Variants in AP1S3 observed in about 807,000 individuals in gnomAD.
AP1S3 encodes the protein adaptor related protein complex 1 subunit sigma 3.
AP1S3 carries 10 observed loss-of-function variants against 20.9 expected under a neutral mutation model. That is an observed-to-expected ratio of 0.48 (90% confidence interval 0.29 to 0.81). AP1S3 has a LOEUF of 0.81. Among genes scored for constraint, AP1S3 ranks in the 30% least tolerant of loss-of-function variants. The probability of loss-of-function intolerance (pLI) is 0.08; values close to 1 mark genes in which losing one functional copy is unlikely to be tolerated. For synonymous variants in AP1S3, 41 were observed against 61.5 expected, an observed-to-expected ratio of 0.67 and a Z score of 1.56; for missense variants, 154 against 183.8, an observed-to-expected ratio of 0.84 and a Z score of 0.94.
At chr2:223,778,106 T>A (rs1471455685) in intron 1 of AP1S3, among the ~76,000 whole-genome samples, 2 of 151,080 alleles carry the variant, frequency 1.3e-5, no homozygotes, top group Non-Finnish European at 2.9e-5. Context: ...AATAAGTTTT[T>A]TTTTGTTTTT....
intron 3 of AP1S3, among the ~76,000 whole-genome samples, chr2:223,769,856 T>TGCCTCA (rs1168020714): frequency 6.9e-6 from 1 of 145,810 alleles, no homozygotes; most frequent in Non-Finnish European, 1.5e-5. Flanking sequence ...GCCATTCTCC[T>TGCCTCA]GCCTCAGCCT....
chr2:223,786,398 AT>A (rs1691075328), intron 1 of AP1S3, among the ~76,000 whole-genome samples: 2 of 152,306 alleles, frequency 1.3e-5, no homozygotes, highest in African/African-American at 4.8e-5. Flanking sequence ...TAACTAGAGC[AT>A]TGTTTTTACA....
At chr2:223,806,359 C>T (rs573322305) in intron 1 of AP1S3, among the ~76,000 whole-genome samples, 104 of 147,750 alleles carry the variant, frequency 7.0e-4, no homozygotes, top group African/African-American at 2.5e-3. Context: ...TCTCAGCTCA[C>T]TGCAAGCTCC....
chr2:223,774,927 G>A (rs11677642), intron 3 of AP1S3, among the ~76,000 whole-genome samples: 98,701 of 151,516 alleles, frequency 0.65, 32,891 homozygotes, highest in East Asian at 0.81. Context: ...AGGACAGAGC[G>A]TCAGTACACA....
intron 1 of AP1S3, among the ~76,000 whole-genome samples, chr2:223,815,707 C>G (rs970326359): frequency 6.6e-6 from 1 of 152,172 alleles, no homozygotes; most frequent in Non-Finnish European, 1.5e-5. Context: ...GAATATAATA[C>G]AGTTTTTAAG....
chr2:223,813,654 C>T (rs1178274877), intron 1 of AP1S3, among the ~76,000 whole-genome samples: 1 of 152,204 alleles, frequency 6.6e-6, no homozygotes, highest in African/African-American at 2.4e-5. Context: ...GCTAAATACA[C>T]TCTGACACAG....
chr2:223,782,011 C>G (rs958622917), intron 1 of AP1S3, among the ~76,000 whole-genome samples: 47 of 128,422 alleles, frequency 3.7e-4, no homozygotes, highest in Non-Finnish European at 5.4e-4. Flanking sequence ...GGCTTTAAGT[C>G]TTTTTTTTTT....
In AP1S3 at chr2:223,780,276, AATATATATATAT is replaced by A. The variant is rs138804582; in HGVS notation, c.4-2419_4-2408del. Among the ~76,000 whole-genome samples, 186 of 24,298 alleles carry A rather than the reference AATATATATATAT, an allele frequency of 7.7e-3. 2 individuals carry two copies. The highest frequency in any genetic ancestry group is 8.9e-3 in the African/African-American group (57 of 6,400). The allele number at this position is 24,298 out of a possible 152,430, so 15.9% of individuals were successfully genotyped here. A position where few individuals can be genotyped will look rare whatever the true frequency, so the allele number is the denominator to read the frequency against. On this transcript the variant is annotated intron_variant, in intron 1 of 4. Transcript: ENST00000396654. Reference sequence around the variant, plus strand: ...CAGGTGTGCACCACCATGCCTGGCTAATATATATATATATATATATATATATATATATAGAGA... The same window carrying A: ...CAGGTGTGCACCACCATGCCTGGCTAATATATATATATATATATATAGAGA...
chr2:223,796,457 A>C (rs755260884), intron 1 of AP1S3, among the ~76,000 whole-genome samples: 2 of 152,170 alleles, frequency 1.3e-5, no homozygotes, highest in Non-Finnish European at 2.9e-5. Context: ...TGGTCTCATC[A>C]GTCACCTTTC....
chr2:223,760,815 ACTC>A (rs1457694226), intron 4 of AP1S3, among the ~76,000 whole-genome samples: 1 of 152,196 alleles, frequency 6.6e-6, no homozygotes. Context: ...ATTGCTTGAC[ACTC>A]CTCTATCATA....
chr2:223,816,807 C>T (rs1048384134), intron 1 of AP1S3, among the ~76,000 whole-genome samples: 2 of 152,176 alleles, frequency 1.3e-5, no homozygotes, highest in African/African-American at 4.8e-5. Flanking sequence ...AGATGACAGA[C>T]AATCCCCCAT....
chr2:223,763,843 C>T (rs554800484), intron 4 of AP1S3, among the ~76,000 whole-genome samples: 72 of 152,294 alleles, frequency 4.7e-4, no homozygotes, highest in Non-Finnish European at 7.4e-4. Context: ...GGAATTCACA[C>T]CTAATGGTGT....
chr2:223,765,304 A>G lies in AP1S3; in HGVS notation c.338T>C (p.Ile113Thr), dbSNP rs771195596. The change falls in exon 4 of 5, where the codon ATC becomes ACC. Residue 113 changes from isoleucine to threonine, a missense_variant. Physicochemically the swap from Ile to Thr is moderately conservative, Grantham distance 89. Transcript: ENST00000396654. ...IIFNFEKAYFILDEFIIGGEI... is the reference protein window; with the variant it reads ...IIFNFEKAYFTLDEFIIGGEI... ...CCCACCTATTATAAACTCGTCCAGG[A>G]TGAAATAAGCCTTTTCAAAATTAAA... 1.9e-6 allele frequency: 3 copies of G among 1,613,928 alleles called. No individual in the cohort carries two copies. The Admixed American group carries it at 5.0e-5, about 27-fold the overall frequency.
At chr2:223,823,559 G>A (rs926968406) in intron 1 of AP1S3, among the ~76,000 whole-genome samples, 10 of 152,144 alleles carry the variant, frequency 6.6e-5, no homozygotes, top group African/African-American at 2.2e-4. Flanking sequence ...CAGAGAGAGA[G>A]TAGAATAGTG....
chr2:223,757,004 T>A lies in AP1S3; in HGVS notation c.*1711A>T, dbSNP rs1345982225. 1.0e-6 allele frequency: 1 copy of A among 982,684 alleles called. No homozygotes were observed. The highest frequency in any genetic ancestry group is 1.7e-5 in the African/African-American group (1 of 57,240). 60.9% of individuals were successfully genotyped at this position (982,684 alleles called of 1,614,324 possible). On this transcript the variant is annotated 3_prime_UTR_variant, in exon 5 of 5. Transcript: ENST00000396654. ...TTACTTTTTCTTTTTTTTTTTTTTTTTCTTGAGACGCAGTCTTGCTCTGTC... is the reference window on the plus strand; with the variant it reads ...TTACTTTTTCTTTTTTTTTTTTTTTATCTTGAGACGCAGTCTTGCTCTGTC...
At chr2:223,809,625 C>G (rs1438371601) in intron 1 of AP1S3, among the ~76,000 whole-genome samples, 1 of 151,792 alleles carries the variant, frequency 6.6e-6, no homozygotes, top group Non-Finnish European at 1.5e-5. Flanking sequence ...GCCTGGGGGA[C>G]AGAGTGAGAC....
At chr2:223,803,684 C>T (rs1314951679) in intron 1 of AP1S3, among the ~76,000 whole-genome samples, 2 of 151,934 alleles carry the variant, frequency 1.3e-5, no homozygotes, top group African/African-American at 2.4e-5. Flanking sequence ...TCTAGACCAT[C>T]CTGACTAACA....
chr2:223,828,495 C>T (rs1692186262), intron 1 of AP1S3, among the ~76,000 whole-genome samples: 1 of 152,098 alleles, frequency 6.6e-6, no homozygotes, highest in Non-Finnish European at 1.5e-5. Context: ...GCCCCCTACC[C>T]CATGTGCCAC....
intron 1 of AP1S3, among the ~76,000 whole-genome samples, chr2:223,822,826 C>T (rs1465046950): frequency 6.6e-6 from 1 of 151,830 alleles, no homozygotes; most frequent in Non-Finnish European, 1.5e-5. Context: ...AAAATATTTA[C>T]AATCCATAAA....
Sources: allele counts gnomAD v4.1 joint callset (sites outside exome capture counted in the v4.1 genomes callset), GRCh38; gene constraint gnomAD v4.1.1; transcripts MANE v1.5; gene names NCBI Gene and HGNC (gene_info 2026-07-23, HGNC 2026-07-21).